Variants in NAA15 observed in about 807,000 individuals in gnomAD.
The protein encoded by NAA15 is N-alpha-acetyltransferase 15, NatA auxiliary subunit.
NAA15 carries 34 observed loss-of-function variants against 114.0 expected under a neutral mutation model. That is an observed-to-expected ratio of 0.30 (90% CI 0.23 to 0.40). The LOEUF is 0.40. NAA15 is among the 10% of genes least tolerant of loss of function. The pLI is 1.00. For missense variants in NAA15, 658 were observed against 1,004.5 expected (o/e 0.66, Z 4.66); for synonymous variants, 340 against 338.0 (o/e 1.01, Z -0.06).
intron 1 of NAA15, among the ~76,000 whole-genome samples, chr4:139,326,931 T>G (rs1373215844): frequency 6.6e-6 from 1 of 152,186 alleles, no homozygotes; most frequent in Non-Finnish European, 1.5e-5. Flanking sequence ...CAGTTACTAA[T>G]AAATATTTTT....
chr4:139,340,344 T>C (rs542613876), intron 3 of NAA15, among the ~76,000 whole-genome samples: 12 of 152,194 alleles, frequency 7.9e-5, no homozygotes, highest in African/African-American at 2.4e-4. Flanking sequence ...GAAGTTTTAA[T>C]AATTACGGTT....
chr4:139,318,629 T>C (rs1746493248), intron 1 of NAA15: 1 of 152,070 alleles, frequency 6.6e-6, no homozygotes, highest in Non-Finnish European at 1.5e-5. Flanking sequence ...TGAGGTGTGC[T>C]GATTGCCTGA....
rs1560952752 is a variant in NAA15, at chr4:139,315,004, A to AG, written c.54+13174dup. Among the ~76,000 whole-genome samples the AG allele has an allele frequency of 2.3e-3, 198 of 84,364 alleles. 5 individuals carry two copies. The East Asian group carries it at 0.038, about 16-fold the overall frequency. The allele number at this position is 84,364 out of a possible 152,430, so 55.3% of individuals were successfully genotyped here. A position where few individuals can be genotyped will look rare whatever the true frequency, so the allele number is the denominator to read the frequency against. ...AGAAGCGTTCAGTTCAGTTCAGTTTAGTTTAGGTTAGGTTAGGTTAGGTTA... is the reference window on the plus strand; with the variant it reads ...AGAAGCGTTCAGTTCAGTTCAGTTTAGGTTTAGGTTAGGTTAGGTTAGGTTA... On this transcript the variant is annotated intron_variant, in intron 1 of 19. Coordinates refer to ENST00000296543, the MANE Select transcript of NAA15 (RefSeq NM_057175.5).
At chr4:139,307,168 C>G (rs1746049275) in intron 1 of NAA15, among the ~76,000 whole-genome samples, 1 of 152,218 alleles carries the variant, frequency 6.6e-6, no homozygotes, top group African/African-American at 2.4e-5. Flanking sequence ...AGGCTCTGCT[C>G]TAGGTGCTTT....
At chr4:139,338,909 C>G (rs191607111) in intron 3 of NAA15, among the ~76,000 whole-genome samples, 5 of 152,216 alleles carry the variant, frequency 3.3e-5, no homozygotes, top group Admixed American at 3.3e-4. Context: ...CTCCTGGGTT[C>G]AGGTAATACT....
intron 17 of NAA15, among the ~76,000 whole-genome samples, chr4:139,379,514 ATTGTTCT>A (rs1748682851): frequency 6.6e-6 from 1 of 152,172 alleles, no homozygotes; most frequent in Non-Finnish European, 1.5e-5. Flanking sequence ...ACATCTTCAT[ATTGTTCT>A]TTCTACTGTA....
At chr4:139,325,938 A>G (rs1474829092) in intron 1 of NAA15, among the ~76,000 whole-genome samples, 1 of 152,212 alleles carries the variant, frequency 6.6e-6, no homozygotes, top group Non-Finnish European at 1.5e-5. Context: ...GTCTGTTTTT[A>G]TATGCTAGTT....
intron 7 of NAA15, among the ~76,000 whole-genome samples, chr4:139,350,343 T>G (rs559877636): frequency 5.9e-5 from 9 of 152,260 alleles, no homozygotes; most frequent in Non-Finnish European, 8.8e-5. Flanking sequence ...ATAAGCTCTG[T>G]GGTAAGCTGT....
intron 1 of NAA15, chr4:139,302,670 C>G (rs536455963): frequency 6.6e-6 from 1 of 152,310 alleles, no homozygotes; most frequent in East Asian, 1.9e-4. Context: ...CAAAAACTTA[C>G]CAGAGAAATG....
chr4:139,371,497 G>GCACACACACACACACACACACACA (rs35581039), intron 15 of NAA15, among the ~76,000 whole-genome samples: 4 of 113,664 alleles, frequency 3.5e-5, no homozygotes, highest in East Asian at 2.8e-4. Context: ...AAGAAAAGTA[G>GCACACACACACACACACACACACA]CACACACACA....
chr4:139,349,420 T>C, intron 6 of NAA15, 42 bp from the exon 7 acceptor site: 1 of 1,477,364 alleles, frequency 6.8e-7, no homozygotes, highest in Non-Finnish European at 9.0e-7. Context: ...TTGGAAGGTT[T>C]TCTCAGATAT....
chr4:139,370,263 T>C lies in NAA15; in HGVS notation c.1806T>C (p.Ala602=). 8 of 1,570,506 alleles carry C rather than the reference T, an allele frequency of 5.1e-6. No homozygotes were observed. Among genetic ancestry groups the C allele is most frequent in the Non-Finnish European group, 6.9e-6 (8 of 1,161,672 alleles). The part of the protein sequence containing the change: ...LKKLRNKQRR[A]QKKAQIEEEK... ...AGCTACGTAATAAACAAAGAAGAGC[T>C]CAAAAGAAAGCCCAGATAGAAGAAG... Residue 602 remains alanine (A), a synonymous_variant, in exon 15 of 20, where the codon GCT becomes GCC. Transcript: ENST00000296543.
At chr4:139,342,728 G>T in intron 4 of NAA15, 98 bp from the exon 5 acceptor site, 4 of 1,143,298 alleles carry the variant, frequency 3.5e-6, no homozygotes, top group Non-Finnish European at 5.0e-6. Flanking sequence ...GATTACAGGC[G>T]TGAGCCACTG....
Position 139,384,922 on chromosome 4 carries a change from A to C in NAA15, c.2246A>C (p.Asn749Thr), listed in dbSNP as rs760158846. The C allele has an allele frequency of 1.3e-6, 2 of 1,569,726 alleles. No homozygotes were observed. The highest frequency in any genetic ancestry group is 1.7e-6 in the Non-Finnish European group (2 of 1,158,280). ...NRLFGATNPK[N>T]FNETFLKRNS... ...CTTTTTGGAGCAACGAATCCAAAGA[A>C]TTTTAATGAAACTTTTCTGAAAAGG... The change falls in exon 18 of 20, where the codon AAT (asparagine) becomes ACT (threonine). Residue 749 changes from asparagine (N) to threonine (T), a missense_variant. Around this residue, in one of 6 missense-constraint regions of NAA15, gnomAD observed 275 missense variants for 371.1 expected, o/e 0.74. Coordinates refer to ENST00000296543, the MANE Select transcript of NAA15 (RefSeq NM_057175.5).
At position 139,360,491 on chromosome 4, in the gene NAA15, T is replaced by C; in HGVS notation, c.1411-9T>C. 5 of 1,534,952 alleles carry C rather than the reference T, an allele frequency of 3.3e-6. No individual in the cohort carries two copies. Among genetic ancestry groups the C allele is most frequent in the Non-Finnish European group, 4.4e-6 (5 of 1,143,356 alleles). ...AAAGTGATCTTGAAAATATTTGATT[T>C]CTGTATAGGAAGGAACATCAGCGGT... On this transcript the variant is annotated splice_polypyrimidine_tract_variant and intron_variant, in intron 12 of 19. Transcript: ENST00000296543.
Position 139,344,170 on chromosome 4 carries a change from T to A in NAA15, c.538-16T>A. The stretch of plus-strand genomic sequence containing the variant: ...ATAAAATTCTTACTGTCAGTATTCC[T>A]TATATCCATATACAGACATCCCCTG... On this transcript the variant is annotated splice_polypyrimidine_tract_variant and intron_variant, in intron 5 of 19. Coordinates refer to ENST00000296543, the MANE Select transcript of NAA15 (RefSeq NM_057175.5). The A allele has an allele frequency of 1.3e-6, 2 of 1,584,626 alleles. No individual in the cohort carries two copies.
intron 14 of NAA15, among the ~76,000 whole-genome samples, chr4:139,364,508 T>C (rs1031336): frequency 0.9 from 137,012 of 152,232 alleles, 61,770 homozygotes; most frequent in East Asian, 0.95. Context: ...CTATTTCCTC[T>C]GTAATATTTA....
intron 1 of NAA15, among the ~76,000 whole-genome samples, chr4:139,324,621 A>C (rs372241344): frequency 1.3e-5 from 2 of 152,220 alleles, no homozygotes; most frequent in African/African-American, 4.8e-5. Flanking sequence ...AAATAAAAGC[A>C]AAGTAAGTTC....
intron 1 of NAA15, among the ~76,000 whole-genome samples, chr4:139,308,503 G>T (rs1341878196): frequency 6.6e-6 from 1 of 152,146 alleles, no homozygotes; most frequent in Non-Finnish European, 1.5e-5. Context: ...ACTTTTGCTT[G>T]TACTTCATAT....
Sources: allele counts gnomAD v4.1 joint callset (sites outside exome capture counted in the v4.1 genomes callset), GRCh38; gene constraint gnomAD v4.1.1; regional missense constraint gnomAD v4.1.1; transcripts MANE v1.5; gene names NCBI Gene and HGNC (gene_info 2026-07-23, HGNC 2026-07-21).